Variants in INTS3 observed in about 807,000 individuals in gnomAD.
INTS3 encodes the protein SOSS complex subunit A.
Under a neutral mutation model 146.3 loss-of-function variants are expected in INTS3, and 34 were observed. The ratio of observed to expected loss-of-function variants is 0.23; its 90% CI spans 0.18 to 0.31. The LOEUF is 0.31. INTS3 is among the 10% of genes least tolerant of loss of function. The pLI is 1.00. For synonymous variants in INTS3, 475 were observed against 494.9 expected (o/e 0.96, Z 0.53); for missense variants, 757 against 1,304.2 (o/e 0.58, Z 6.46).
Position 153,772,229 on chromosome 1 carries a change from T to A in INTS3, c.2721-111T>A. 2 of 1,267,620 alleles carry A rather than the reference T, an allele frequency of 1.6e-6. No individual in the cohort carries two copies. Among genetic ancestry groups the A allele is most frequent in the East Asian group, 4.7e-5 (2 of 42,748 alleles). 78.5% of individuals were successfully genotyped at this position (1,267,620 alleles called of 1,614,324 possible). A position where few individuals can be genotyped will look rare whatever the true frequency, so the allele number is the denominator to read the frequency against. ...CCCAGCCCTCCCAGGCTGCCTATCC[T>A]GTTCCCCATGTAGGCTGCCTCTGTC... On this transcript the variant is annotated intron_variant, in intron 26 of 29. Coordinates refer to ENST00000318967, the MANE Select transcript of INTS3 (RefSeq NM_023015.5). The surrounding 1 kb of genome is among the most constrained non-coding windows in gnomAD (Gnocchi z 4.6).
intron 15 of INTS3, 137 bp downstream of exon 15, chr1:153,762,984 G>T: frequency 1.7e-6 from 2 of 1,205,230 alleles, no homozygotes; most frequent in Non-Finnish European, 2.3e-6. Context: ...ATCTGGATGA[G>T]ACTCCAGAAT....
Position 153,772,101 on chromosome 1 carries a change from C to G in INTS3, c.2720+138C>G. The stretch of plus-strand genomic sequence containing the variant: ...TGGTTTGTGGGCGACATCTAGTGGT[C>G]CGAAGCCACATGGCATGCGAGACCA... On this transcript the variant is annotated intron_variant, in intron 26 of 29. Transcript: ENST00000318967. The surrounding 1 kb of genome is among the most constrained non-coding windows in gnomAD (Gnocchi z 4.6). 1 of 1,033,896 alleles carries G rather than the reference C, an allele frequency of 9.7e-7. No individual in the cohort carries two copies. The highest frequency in any genetic ancestry group is 1.6e-5 in the South Asian group (1 of 63,826). 64.0% of individuals were successfully genotyped at this position (1,033,896 alleles called of 1,614,324 possible). A position where few individuals can be genotyped will look rare whatever the true frequency, so the allele number is the denominator to read the frequency against.
intron 2 of INTS3, 93 bp downstream of exon 2, chr1:153,740,827 G>A (rs1315561590): frequency 9.8e-7 from 1 of 1,017,494 alleles, no homozygotes; most frequent in Admixed American, 1.7e-5. Context: ...GTTGGGGGTA[G>A]GGGACTGAAA....
At position 153,751,304 on chromosome 1, in the gene INTS3, T is replaced by C. The variant is rs1423545202; in HGVS notation, c.729+65T>C. The stretch of plus-strand genomic sequence containing the variant: ...TCAGGCTAAGATACCTCTGGAGGTT[T>C]ATGCAGTGGAGTCAGAAATACCTTG... On this transcript the variant is annotated intron_variant, in intron 7 of 29. Coordinates refer to ENST00000318967, the MANE Select transcript of INTS3 (RefSeq NM_023015.5). 4.6e-6 allele frequency: 7 copies of C among 1,524,298 alleles called. No individual in the cohort carries two copies. In the Middle Eastern group the frequency reaches 5.1e-4, roughly 112 times the overall value. 94.4% of individuals were successfully genotyped at this position (1,524,298 alleles called of 1,614,324 possible).
intron 1 of INTS3, among the ~76,000 whole-genome samples, chr1:153,736,802 C>T (rs1357128600): frequency 5.5e-5 from 7 of 126,958 alleles, no homozygotes; most frequent in African/African-American, 1.2e-4. Context: ...CTCCCTCTGT[C>T]GCCCAGGCTG....
chr1:153,773,180 C>A lies in INTS3; in HGVS notation c.3052-13C>A. 6.2e-7 allele frequency: 1 copy of A among 1,613,954 alleles called. No homozygotes were observed. On this transcript the variant is annotated splice_polypyrimidine_tract_variant and intron_variant, in intron 29 of 29. Coordinates refer to ENST00000318967, the MANE Select transcript of INTS3 (RefSeq NM_023015.5). ...GGCTGTTAACTTCCCATTTCCCCTCCCATCTCTTCCAGGAAGAGGAAGACA... is the reference window on the plus strand; with the variant it reads ...GGCTGTTAACTTCCCATTTCCCCTCACATCTCTTCCAGGAAGAGGAAGACA...
rs542483679 is a variant in INTS3, at chr1:153,766,115, C to CTTTTTTT, written c.2090+1070_2090+1076dup. ...TTTTGTGACTTGCTTTTTTCTTTCT[C>CTTTTTTT]TTTTTTTTTTTTTTTTTTTTTTTTG... is the stretch of plus-strand genomic sequence containing the variant. On this transcript the variant is annotated intron_variant, in intron 20 of 29. Transcript: ENST00000318967. Among the ~76,000 whole-genome samples, 149 of 84,628 alleles carry CTTTTTTT rather than the reference C, an allele frequency of 1.8e-3. 1 individual carries two copies. Among genetic ancestry groups the CTTTTTTT allele is most frequent in the Middle Eastern group, 0.011 (1 of 88 alleles). 55.5% of individuals were successfully genotyped at this position (84,628 alleles called of 152,430 possible). A position where few individuals can be genotyped will look rare whatever the true frequency, so the allele number is the denominator to read the frequency against.
At position 153,772,719 on chromosome 1, in the gene INTS3, T is replaced by G. The variant is rs201686268; in HGVS notation, c.2894+8T>G. 1 of 1,610,606 alleles carries G rather than the reference T, an allele frequency of 6.2e-7. No homozygotes were observed. The highest frequency in any genetic ancestry group is 1.7e-4 in the Middle Eastern group (1 of 6,030). On this transcript the variant is annotated splice_region_variant and intron_variant, in intron 28 of 29. Transcript: ENST00000318967. The surrounding 1 kb of genome is among the most constrained non-coding windows in gnomAD (Gnocchi z 4.6). ...CGAAGCCCACAAGATGAAGTGAGGCTCCTGCCACTTTGGGCCTTGGAAAGT... is the reference window on the plus strand; with the variant it reads ...CGAAGCCCACAAGATGAAGTGAGGCGCCTGCCACTTTGGGCCTTGGAAAGT...
At chr1:153,745,187 G>A (rs1335038176) in intron 3 of INTS3, among the ~76,000 whole-genome samples, 1 of 142,210 alleles carries the variant, frequency 7.0e-6, no homozygotes, top group Non-Finnish European at 1.5e-5. Flanking sequence ...GAGACAGGGT[G>A]TCTCTGTCAC....
rs1406901125 is a variant in INTS3, at chr1:153,728,099, G to A, written c.-536G>A. On this transcript the variant is annotated 5_prime_UTR_variant, in exon 1 of 30. Transcript: ENST00000318967. ...CTATGGCCGCTTCTGTGTGGTGTGGGGAGACGCTGGTCCTCCCCGTCCTCC... is the reference window on the plus strand; with the variant it reads ...CTATGGCCGCTTCTGTGTGGTGTGGAGAGACGCTGGTCCTCCCCGTCCTCC... 5 of 394,118 alleles carry A rather than the reference G, an allele frequency of 1.3e-5. No homozygotes were observed. Among genetic ancestry groups the A allele is most frequent in the East Asian group, 3.6e-5 (1 of 27,798 alleles). 24.4% of individuals were successfully genotyped at this position (394,118 alleles called of 1,614,324 possible).
At chr1:153,740,503 G>T in intron 1 of INTS3, 148 bp from the exon 2 acceptor site, 1 of 638,348 alleles carries the variant, frequency 1.6e-6, no homozygotes, top group East Asian at 2.7e-5. Context: ...AGATTTTGCT[G>T]GTTTTATCCT....
chr1:153,752,934 C>T (rs1672014700), intron 8 of INTS3, among the ~76,000 whole-genome samples: 1 of 152,100 alleles, frequency 6.6e-6, no homozygotes, highest in South Asian at 2.1e-4. Flanking sequence ...ATATCCCTTT[C>T]CCTTTCCCAG....
intron 25 of INTS3, 126 bp downstream of exon 25, chr1:153,770,859 T>C: frequency 1.3e-6 from 1 of 751,874 alleles, no homozygotes; most frequent in Non-Finnish European, 2.3e-6. Flanking sequence ...CTGCTTATTC[T>C]GCCCTTCCCC....
intron 1 of INTS3, among the ~76,000 whole-genome samples, chr1:153,734,641 A>C (rs1408222315): frequency 6.6e-6 from 1 of 152,120 alleles, no homozygotes; most frequent in African/African-American, 2.4e-5. Context: ...TGTTCAACCC[A>C]AGGTCTCTCA....
chr1:153,728,844 GATACCGGGTGGGAGGAC>G, intron 1 of INTS3, 60 bp downstream of exon 1: 2 of 434,172 alleles, frequency 4.6e-6, no homozygotes, highest in South Asian at 2.7e-5. Flanking sequence ...TACTGGAGCG[GATACCGGGTGGGAGGAC>G]GGGGGGTGGG....
intron 8 of INTS3, among the ~76,000 whole-genome samples, chr1:153,752,632 A>G (rs904113043): frequency 6.6e-6 from 1 of 152,208 alleles, no homozygotes; most frequent in Non-Finnish European, 1.5e-5. Context: ...TCCAGCTGCC[A>G]CATTACTACT....
intron 4 of INTS3, 100 bp downstream of exon 4, chr1:153,747,170 A>G (rs530173247): frequency 1.6e-5 from 20 of 1,262,216 alleles, no homozygotes; most frequent in African/African-American, 2.9e-5. Flanking sequence ...ACACACCCCT[A>G]TCATTGTGTG....
chr1:153,731,220 G>C (rs1671047551), intron 1 of INTS3, among the ~76,000 whole-genome samples: 1 of 152,176 alleles, frequency 6.6e-6, no homozygotes, highest in Non-Finnish European at 1.5e-5. Context: ...AGTTAGAGTA[G>C]TGAAGAGACA....
Position 153,757,680 on chromosome 1 carries a change from G to A in INTS3, c.1066G>A (p.Val356Ile). ...TGACCTCATTCGCTACATCTGTGGG[G>A]TAGTCCACCCTTCTAATGAAGTACT... ...RCDLIRYICGVVHPSNEVLSS... is the reference protein window; with the variant it reads ...RCDLIRYICGIVHPSNEVLSS... Residue 356 changes from valine to isoleucine, a missense_variant, in exon 10 of 30, where the codon GTA (valine) becomes ATA (isoleucine). Around this residue, in one of 8 missense-constraint regions of INTS3, gnomAD observed 35 missense variants for 122.2 expected, o/e 0.29. Transcript: ENST00000318967. The surrounding 1 kb of genome is among the most constrained non-coding windows in gnomAD (Gnocchi z 4.0). 1 of 1,614,162 alleles carries A rather than the reference G, an allele frequency of 6.2e-7. No individual in the cohort carries two copies. Among genetic ancestry groups the A allele is most frequent in the Non-Finnish European group, 8.5e-7 (1 of 1,180,010 alleles).
Sources: gnomAD v4.1 joint callset for allele counts (sites outside exome capture counted in the v4.1 genomes callset) on GRCh38, gnomAD v4.1.1 for gene constraint, gnomAD v4.1.1 regional missense constraint, Gnocchi (gnomAD v3.1) non-coding constraint, MANE v1.5 for transcripts, NCBI Gene and HGNC (gene_info 2026-07-23, HGNC 2026-07-21) for gene names.